Variants in EZH1 observed in about 807,000 individuals in gnomAD.
EZH1 encodes histone-lysine N-methyltransferase EZH1.
A neutral mutation model predicts 100.5 loss-of-function variants in EZH1; 33 were observed. The observed-to-expected ratio is 0.33, with a 90% CI of 0.25 to 0.44. The LOEUF is 0.44. EZH1 is among the 20% of genes least tolerant of loss of function. The pLI is 1.00. For missense variants in EZH1, 475 were observed against 928.4 expected, an observed-to-expected ratio of 0.51 and a Z score of 6.35; for synonymous variants, 272 against 313.8, an observed-to-expected ratio of 0.87 and a Z score of 1.41.
At chr17:42,738,692 T>C (rs1031677657) in intron 1 of EZH1, among the ~76,000 whole-genome samples, 3 of 151,662 alleles carry the variant, frequency 2.0e-5, no homozygotes, top group African/African-American at 4.8e-5. Context: ...CCTCAGGTAA[T>C]TCACCCACCT....
chr17:42,704,745 T>C, intron 17 of EZH1, 62 bp from the exon 18 acceptor site: 1 of 1,374,354 alleles, frequency 7.3e-7, no homozygotes, highest in South Asian at 1.2e-5. Flanking sequence ...CATGGTACCC[T>C]GCCCCCAGAA....
chr17:42,720,632 G>A (rs921711488), intron 6 of EZH1, among the ~76,000 whole-genome samples, 183 bp from the exon 7 acceptor site: 1 of 152,138 alleles, frequency 6.6e-6, no homozygotes, highest in Non-Finnish European at 1.5e-5. Flanking sequence ...CAGCTGGCTA[G>A]AGTAGGAATA....
intron 4 of EZH1, among the ~76,000 whole-genome samples, chr17:42,724,948 C>T (rs2053788631): frequency 6.6e-6 from 1 of 152,078 alleles, no homozygotes; most frequent in Non-Finnish European, 1.5e-5. Flanking sequence ...GCGGGTGGAT[C>T]ATGAAGTCAG....
chr17:42,723,152 G>A (rs921767760), intron 5 of EZH1, among the ~76,000 whole-genome samples: 3 of 152,104 alleles, frequency 2.0e-5, no homozygotes, highest in South Asian at 2.1e-4. Flanking sequence ...CGAGGCAGGC[G>A]GATCATGAGG....
At chr17:42,736,667 T>C (rs1030999739) in intron 1 of EZH1, among the ~76,000 whole-genome samples, 6 of 152,012 alleles carry the variant, frequency 3.9e-5, no homozygotes, top group African/African-American at 1.4e-4. Context: ...AAACCTCATC[T>C]CTACAAAAAT....
rs1364853298 is a variant in EZH1, at chr17:42,720,181, CA to C, written c.664+91del. The C allele has an allele frequency of 6.7e-6, 9 of 1,351,966 alleles. No individual in the cohort carries two copies. In the African/African-American group the frequency reaches 8.7e-5, roughly 13 times the overall value. 83.7% of individuals were successfully genotyped at this position (1,351,966 alleles called of 1,614,324 possible). The stretch of plus-strand genomic sequence containing the variant: ...TAAGTGAACCAACAAGAAGCACCAA[CA>C]GCCTTTAATAGGCAACAAATCTTTC... On this transcript the variant is annotated intron_variant, in intron 7 of 20. Coordinates refer to ENST00000428826, the MANE Select transcript of EZH1 (RefSeq NM_001991.5).
intron 14 of EZH1, 141 bp downstream of exon 14, chr17:42,708,735 C>T (rs2053413227): frequency 2.3e-6 from 2 of 854,718 alleles, no homozygotes; most frequent in South Asian, 2.9e-5. Flanking sequence ...AGAGGCTCAG[C>T]TGTTCTCAGT....
intron 11 of EZH1, among the ~76,000 whole-genome samples, 168 bp downstream of exon 11, chr17:42,713,037 CAAAA>C (rs10664421): frequency 2.1e-4 from 18 of 83,986 alleles, no homozygotes; most frequent in African/African-American, 7.7e-4. Flanking sequence ...GAGACTGTTT[CAAAA>C]AAAAAAAAAA....
Position 42,718,372 on chromosome 17 carries a change from C to G in EZH1, c.931+82G>C, listed in dbSNP as rs990949990. 1.5e-5 allele frequency: 24 copies of G among 1,557,412 alleles called. No homozygotes were observed. In the Admixed American group the frequency reaches 3.3e-4, roughly 21 times the overall value. Reference sequence around the variant, plus strand: ...TAGAACAGAAGCCAGGAACTCTATACGAGAAACCAGAACAAAGAGAAGGAA... The same window carrying G: ...TAGAACAGAAGCCAGGAACTCTATAGGAGAAACCAGAACAAAGAGAAGGAA... On this transcript the variant is annotated intron_variant, in intron 9 of 20. Coordinates refer to ENST00000428826, the MANE Select transcript of EZH1 (RefSeq NM_001991.5). The surrounding 1 kb of genome is among the most constrained non-coding windows in gnomAD (Gnocchi z 4.2).
chr17:42,721,395 C>T (rs1269159804), intron 6 of EZH1, among the ~76,000 whole-genome samples: 1 of 152,080 alleles, frequency 6.6e-6, no homozygotes, highest in Non-Finnish European at 1.5e-5. Flanking sequence ...ATTATTAAAA[C>T]CAACTTCTGG....
chr17:42,715,581 T>C, intron 10 of EZH1, among the ~76,000 whole-genome samples: 1 of 151,866 alleles, frequency 6.6e-6, no homozygotes, highest in South Asian at 2.1e-4. Flanking sequence ...TAAAATCAAG[T>C]TTCCAGACCT....
intron 2 of EZH1, among the ~76,000 whole-genome samples, chr17:42,730,558 G>A (rs957341056): frequency 8.1e-5 from 11 of 135,160 alleles, no homozygotes; most frequent in Non-Finnish European, 1.1e-4. Flanking sequence ...GTGCAGTGGC[G>A]CGATCTCGGC....
At position 42,740,243 on chromosome 17, in the gene EZH1, C is replaced by CT. The variant is rs146009996; in HGVS notation, c.-103+4767dup. Among the ~76,000 whole-genome samples, 498 of 138,588 alleles carry CT rather than the reference C, an allele frequency of 3.6e-3. 1 individual carries two copies. Among genetic ancestry groups the CT allele is most frequent in the Middle Eastern group, 0.021 (6 of 282 alleles). The allele number at this position is 138,588 out of a possible 152,430, so 90.9% of individuals were successfully genotyped here. A position where few individuals can be genotyped will look rare whatever the true frequency, so the allele number is the denominator to read the frequency against. On this transcript the variant is annotated intron_variant, in intron 1 of 20. Coordinates refer to ENST00000428826, the MANE Select transcript of EZH1 (RefSeq NM_001991.5). The stretch of plus-strand genomic sequence containing the variant: ...TTTATATTTTCAGTGGAGACAAGAT[C>CT]TTTTTTTTTTTTTTTGAAACGGAGT...
At chr17:42,703,942 CCA>C (rs2143706010) in intron 18 of EZH1, 122 bp from the exon 19 acceptor site, 1 of 760,748 alleles carries the variant, frequency 1.3e-6, no homozygotes, top group South Asian at 1.6e-5. Flanking sequence ...ATGTTGAAGC[CCA>C]GTGTGCTAAC....
chr17:42,745,017 T>C lies in EZH1; in HGVS notation c.-109A>G, dbSNP rs1158249304. 1 of 1,272,012 alleles carries C rather than the reference T, an allele frequency of 7.9e-7. No individual in the cohort carries two copies. The highest frequency in any genetic ancestry group is 1.6e-5 in the African/African-American group (1 of 63,446). The allele number at this position is 1,272,012 out of a possible 1,614,324, so 78.8% of individuals were successfully genotyped here. A position where few individuals can be genotyped will look rare whatever the true frequency, so the allele number is the denominator to read the frequency against. ...GGCTTGTTTACTCACTCACCCTCCA[T>C]CCCGAGCCGCGGGTCCCGCTGCTAG... On this transcript the variant is annotated 5_prime_UTR_variant, in exon 1 of 21. An upstream start codon of the reference 5' UTR is lost. Transcript: ENST00000428826.
rs1064878 is a variant in EZH1 at position 42,702,407 on chromosome 17, A to G, written c.*125T>C. On this transcript the variant is annotated 3_prime_UTR_variant, in exon 21 of 21. Transcript: ENST00000428826. ...GGACATGGCAGAGGCCTCACTACAG[A>G]GGGAGTGGGTTGGGGGGTTTCTCAG... 1 of 770,982 alleles carries G rather than the reference A, an allele frequency of 1.3e-6. No homozygotes were observed. Among genetic ancestry groups the G allele is most frequent in the Non-Finnish European group, 2.1e-6 (1 of 474,422 alleles). 47.8% of individuals were successfully genotyped at this position (770,982 alleles called of 1,614,324 possible). A position where few individuals can be genotyped will look rare whatever the true frequency, so the allele number is the denominator to read the frequency against.
intron 1 of EZH1, among the ~76,000 whole-genome samples, chr17:42,740,958 A>G (rs2054164778): frequency 6.6e-6 from 1 of 152,228 alleles, no homozygotes; most frequent in Non-Finnish European, 1.5e-5. Flanking sequence ...AAAGAATCCA[A>G]TATGTACACA....
At chr17:42,722,443 G>A (rs990164596) in intron 6 of EZH1, among the ~76,000 whole-genome samples, 2 of 151,808 alleles carry the variant, frequency 1.3e-5, no homozygotes, top group Admixed American at 6.6e-5. Context: ...TGACCAACAT[G>A]GTGAAACCCC....
At chr17:42,704,826 G>T in intron 17 of EZH1, 143 bp from the exon 18 acceptor site, 2 of 717,212 alleles carry the variant, frequency 2.8e-6, no homozygotes, top group Non-Finnish European at 4.7e-6. Context: ...GCAAGTTCAA[G>T]TTATGCTGTT....
Sources: allele counts gnomAD v4.1 joint callset (sites outside exome capture counted in the v4.1 genomes callset), GRCh38; gene constraint gnomAD v4.1.1; non-coding constraint Gnocchi (gnomAD v3.1); transcripts MANE v1.5; gene names NCBI Gene and HGNC (gene_info 2026-07-23, HGNC 2026-07-21).